WDR7: variants seen among roughly 807,000 people sequenced by gnomAD.
WDR7 encodes the protein WD repeat domain 7.
WDR7 carries 46 observed loss-of-function variants against 169.4 expected under a neutral mutation model. That is an observed-to-expected ratio of 0.27 (90% CI 0.21 to 0.35). The LOEUF is 0.35. Ranked by LOEUF, WDR7 falls within the 10% of genes least tolerant of loss-of-function variation. The probability of loss-of-function intolerance (pLI) is 1.00; values close to 1 mark genes in which losing one functional copy is unlikely to be tolerated. For missense variants in WDR7, 1,534 were observed against 1,859.3 expected (o/e 0.83, Z 3.22); for synonymous variants, 612 against 666.8 (o/e 0.92, Z 1.27).
chr18:56,787,005 A>G (rs1311558902), intron 19 of WDR7, among the ~76,000 whole-genome samples: 7 of 152,148 alleles, frequency 4.6e-5, no homozygotes, highest in African/African-American at 1.7e-4. Context: ...TTTTTGCATT[A>G]TAATTCAGAT....
intron 26 of WDR7, among the ~76,000 whole-genome samples, chr18:57,010,725 G>C (rs548572324): frequency 6.6e-6 from 1 of 152,048 alleles, no homozygotes; most frequent in Non-Finnish European, 1.5e-5. Flanking sequence ...GAAATATTGG[G>C]CCTAATAAAT....
At chr18:56,815,644 AAACT>A (rs766285657) in intron 19 of WDR7, among the ~76,000 whole-genome samples, 4 of 152,338 alleles carry the variant, frequency 2.6e-5, no homozygotes, top group African/African-American at 9.6e-5. Flanking sequence ...AGTTATAAAC[AAACT>A]AACATTAAAA....
At chr18:56,796,117 G>A (rs1190785387) in intron 19 of WDR7, among the ~76,000 whole-genome samples, 1 of 152,190 alleles carries the variant, frequency 6.6e-6, no homozygotes, top group Non-Finnish European at 1.5e-5. Context: ...ATTATTGGAT[G>A]TATATCAATG....
chr18:56,693,573 G>GTTTTTTT (rs1254201598), intron 9 of WDR7, among the ~76,000 whole-genome samples: 1 of 54,442 alleles, frequency 1.8e-5, no homozygotes, highest in African/African-American at 6.2e-5. Flanking sequence ...TTTTTTTTTT[G>GTTTTTTT]TTTTTTTTTT....
intron 12 of WDR7, among the ~76,000 whole-genome samples, chr18:56,705,126 C>T (rs1368406998): frequency 6.6e-6 from 1 of 152,126 alleles, no homozygotes. Flanking sequence ...AGCCACCATG[C>T]ACTGCTCTCT....
intron 20 of WDR7, among the ~76,000 whole-genome samples, chr18:56,855,562 G>A (rs1400835653): frequency 2.6e-5 from 4 of 152,102 alleles, no homozygotes; most frequent in Non-Finnish European, 5.9e-5. Context: ...GTATGGTGTA[G>A]AATTCCAATT....
At chr18:56,711,778 A>G (rs2026091392) in intron 12 of WDR7, among the ~76,000 whole-genome samples, 1 of 152,166 alleles carries the variant, frequency 6.6e-6, no homozygotes, top group Admixed American at 6.5e-5. Context: ...AGTGAAATTA[A>G]CATTTAATTT....
intron 21 of WDR7, among the ~76,000 whole-genome samples, chr18:56,905,139 CTGTT>C (rs916047122): frequency 5.3e-5 from 8 of 152,126 alleles, no homozygotes; most frequent in African/African-American, 1.2e-4. Context: ...TAGACAATTT[CTGTT>C]TGTTTATTTT....
chr18:56,742,134 C>T (rs865795300), intron 14 of WDR7, among the ~76,000 whole-genome samples: 3 of 152,136 alleles, frequency 2.0e-5, no homozygotes, highest in South Asian at 2.1e-4. Flanking sequence ...AATACATTAA[C>T]AAAAATACAC....
intron 22 of WDR7, 75 bp downstream of exon 22, chr18:56,924,183 C>T: frequency 6.6e-7 from 1 of 1,519,654 alleles, no homozygotes; most frequent in East Asian, 2.3e-5. Context: ...GTTTATTGAT[C>T]ATTCTGTATA....
chr18:56,943,002 G>A (rs1314526376), intron 25 of WDR7, among the ~76,000 whole-genome samples: 5 of 152,180 alleles, frequency 3.3e-5, no homozygotes, highest in African/African-American at 1.2e-4. Context: ...CTAAATGTGA[G>A]CTGCAATAGA....
At chr18:56,672,375 T>A in intron 1 of WDR7, 122 bp from the exon 2 acceptor site, 1 of 691,888 alleles carries the variant, frequency 1.4e-6, no homozygotes, top group Non-Finnish European at 2.1e-6. Flanking sequence ...AATATTTAAG[T>A]AGCTGTAATT....
chr18:56,711,912 T>C (rs553074493), intron 12 of WDR7, among the ~76,000 whole-genome samples: 1 of 152,064 alleles, frequency 6.6e-6, no homozygotes, highest in East Asian at 1.9e-4. Flanking sequence ...AAGAGAATAG[T>C]GGGATTGATT....
chr18:56,709,094 T>C (rs772389660), intron 12 of WDR7, among the ~76,000 whole-genome samples: 1 of 152,184 alleles, frequency 6.6e-6, no homozygotes, highest in Non-Finnish European at 1.5e-5. Flanking sequence ...GTAAGTTCAG[T>C]AGAAAAACAT....
chr18:56,962,378 C>T (rs535069678), intron 25 of WDR7, 52 bp from the exon 26 acceptor site: 11 of 1,500,192 alleles, frequency 7.3e-6, no homozygotes, highest in South Asian at 1.1e-5. Flanking sequence ...AAGTGCAGGT[C>T]ATCTCACCTG....
intron 26 of WDR7, among the ~76,000 whole-genome samples, chr18:57,001,391 A>C (rs191772546): frequency 6.6e-6 from 1 of 152,040 alleles, no homozygotes; most frequent in East Asian, 1.9e-4. Flanking sequence ...GGAAAACTTG[A>C]AAATGCGTTC....
At chr18:56,687,707 G>A (rs185944243) in intron 7 of WDR7, among the ~76,000 whole-genome samples, 2 of 152,224 alleles carry the variant, frequency 1.3e-5, no homozygotes, top group African/African-American at 2.4e-5. Context: ...GTTCACTACA[G>A]CCTTGAACTC....
chr18:56,738,590 C>T (rs12958815), intron 14 of WDR7, among the ~76,000 whole-genome samples: 1,881 of 152,190 alleles, frequency 0.012, 12 homozygotes, highest in Middle Eastern at 0.031. Flanking sequence ...TATTTTCAGT[C>T]TCTCACATGA....
chr18:56,951,914 T>G lies in WDR7; in HGVS notation c.4065-10516T>G, dbSNP rs182568958. On this transcript the variant is annotated intron_variant, in intron 25 of 27. Transcript: ENST00000254442. ...TATCAATATTTGCCATATTAGAAAT[T>G]TAAACTGAGAAATTTTAAAATTATT... Among the ~76,000 whole-genome samples the G allele has an allele frequency of 1.6e-4, 24 of 152,326 alleles. No homozygotes were observed. In the East Asian group the frequency reaches 4.6e-3, roughly 29 times the overall value.
Sources: allele counts gnomAD v4.1 joint callset (sites outside exome capture counted in the v4.1 genomes callset), GRCh38; gene constraint gnomAD v4.1.1; transcripts MANE v1.5; gene names NCBI Gene and HGNC (gene_info 2026-07-23, HGNC 2026-07-21).